Variants in CSMD2 observed in about 807,000 individuals in gnomAD.
CSMD2 encodes the protein CUB and Sushi multiple domains 2, also known as CUB and sushi domain-containing protein 2.
A neutral mutation model predicts 398.5 loss-of-function variants in CSMD2; 130 were observed. That is an observed-to-expected ratio of 0.33 (90% CI 0.28 to 0.38). The LOEUF (loss-of-function observed/expected upper bound fraction) is 0.38, where lower values mean the gene tolerates loss of function less well. CSMD2 is among the 10% of genes least tolerant of loss of function. CSMD2 has a pLI of 1.00. For missense variants in CSMD2, 3,829 were observed against 4,764.9 expected (o/e 0.80, Z 5.78); for synonymous variants, 1,828 against 1,908.5 (o/e 0.96, Z 1.10).
chr1:33,758,667 G>A (rs1649375174), intron 13 of CSMD2, among the ~76,000 whole-genome samples: 1 of 152,136 alleles, frequency 6.6e-6, no homozygotes, highest in Non-Finnish European at 1.5e-5. Context: ...ACAATCATTT[G>A]TTCTCTCCTT....
rs752315187 is a variant in CSMD2, at chr1:33,614,667, G to A, written c.6017-47C>T. The A allele has an allele frequency of 4.6e-6, 5 of 1,091,386 alleles. No individual in the cohort carries two copies. In the Admixed American group the frequency reaches 5.7e-5, roughly 12 times the overall value. 67.6% of individuals were successfully genotyped at this position (1,091,386 alleles called of 1,614,324 possible). A position where few individuals can be genotyped will look rare whatever the true frequency, so the allele number is the denominator to read the frequency against. On this transcript the variant is annotated intron_variant, in intron 39 of 70. Transcript: ENST00000373381. ...GAGGGTCAGGACAACATCAAGGGGTGTACAGGGCCCTGCCAATGTTTGGAA... is the reference window on the plus strand; with the variant it reads ...GAGGGTCAGGACAACATCAAGGGGTATACAGGGCCCTGCCAATGTTTGGAA...
At chr1:33,982,653 G>A (rs1176490928) in intron 3 of CSMD2, among the ~76,000 whole-genome samples, 1 of 152,220 alleles carries the variant, frequency 6.6e-6, no homozygotes, top group Non-Finnish European at 1.5e-5. Context: ...GAGACTCCTG[G>A]AATAGGTTAT....
intron 5 of CSMD2, chr1:33,864,356 T>C: frequency 6.2e-7 from 1 of 1,614,018 alleles, no homozygotes; most frequent in Non-Finnish European, 8.5e-7. Flanking sequence ...TCTCAAAGCA[T>C]GAAAAGGCCA....
chr1:34,013,222 CA>C (rs11322324), intron 3 of CSMD2, among the ~76,000 whole-genome samples: 32,111 of 152,128 alleles, frequency 0.21, 4,067 homozygotes, highest in East Asian at 0.57. Context: ...ATGGAGTTTT[CA>C]ATCCATCGTT....
chr1:33,897,316 G>C (rs1388261322), intron 5 of CSMD2, among the ~76,000 whole-genome samples: 1 of 152,158 alleles, frequency 6.6e-6, no homozygotes, highest in Non-Finnish European at 1.5e-5. Flanking sequence ...AACAGATCTG[G>C]ATCAGACATG....
rs1376209375 is a variant in CSMD2, at chr1:34,024,957, C to T, written c.517+7637G>A. On this transcript the variant is annotated intron_variant, in intron 3 of 70. Coordinates refer to ENST00000373381, the MANE Select transcript of CSMD2 (RefSeq NM_001281956.2). ...GGTCTAATTACAGGAAAAAACAAAA[C>T]CAGGAAAGGCCCATTTCTCCCATGT... 2.0e-5 allele frequency among the ~76,000 whole-genome samples: 3 copies of T among 152,164 alleles called. No individual in the cohort carries two copies. The East Asian group carries it at 5.8e-4, about 29-fold the overall frequency.
At chr1:33,988,225 G>A (rs1220117710) in intron 3 of CSMD2, among the ~76,000 whole-genome samples, 2 of 152,250 alleles carry the variant, frequency 1.3e-5, no homozygotes, top group Non-Finnish European at 2.9e-5. Flanking sequence ...ACTCCCTGCT[G>A]TCAGATGCAG....
chr1:33,825,807 G>A (rs1428690288), intron 6 of CSMD2, 33 bp from the exon 7 acceptor site: 2 of 1,563,032 alleles, frequency 1.3e-6, no homozygotes. Context: ...AACAATGTGA[G>A]TTGTTGCCTG....
At chr1:33,582,426 T>A (rs1270469896) in intron 47 of CSMD2, among the ~76,000 whole-genome samples, 4 of 152,284 alleles carry the variant, frequency 2.6e-5, no homozygotes, top group African/African-American at 9.6e-5. Flanking sequence ...TGAGAAAAGC[T>A]GCCCCCAGCA....
intron 11 of CSMD2, among the ~76,000 whole-genome samples, chr1:33,791,797 G>C (rs973872229): frequency 6.6e-6 from 1 of 152,120 alleles, no homozygotes; most frequent in Admixed American, 6.5e-5. Context: ...CTTTTTCCTG[G>C]TTTTCAAGTC....
At position 34,121,994 on chromosome 1, in the gene CSMD2, G is replaced by T. The variant is rs199689024; in HGVS notation, c.188-32801C>A. ...CAGGCAGCTGGAAGGAATTTTTCTG[G>T]TTTTTTTTTTTTTTTCTACCTCCTG... On this transcript the variant is annotated intron_variant, in intron 1 of 70. Coordinates refer to ENST00000373381, the MANE Select transcript of CSMD2 (RefSeq NM_001281956.2). 3.8e-3 allele frequency among the ~76,000 whole-genome samples: 546 copies of T among 142,714 alleles called. 5 individuals are homozygous for T. The highest frequency in any genetic ancestry group is 0.012 in the African/African-American group (476 of 38,682). The allele number at this position is 142,714 out of a possible 152,430, so 93.6% of individuals were successfully genotyped here.
chr1:33,904,707 C>G (rs1057343950), intron 5 of CSMD2, among the ~76,000 whole-genome samples: 3 of 151,480 alleles, frequency 2.0e-5, no homozygotes, highest in African/African-American at 4.9e-5. Flanking sequence ...CTCTGCCGCC[C>G]AGGCTGGAGT....
At chr1:33,655,837 G>A (rs1484390151) in intron 27 of CSMD2, among the ~76,000 whole-genome samples, 1 of 152,192 alleles carries the variant, frequency 6.6e-6, no homozygotes, top group East Asian at 1.9e-4. Flanking sequence ...TCCCAAAGCC[G>A]AGTGTAGAAG....
chr1:34,045,086 A>G (rs1028223676), intron 2 of CSMD2, among the ~76,000 whole-genome samples: 4 of 149,230 alleles, frequency 2.7e-5, no homozygotes, highest in Non-Finnish European at 5.9e-5. Context: ...CACCCCTACA[A>G]ACACAGGTTT....
intron 13 of CSMD2, among the ~76,000 whole-genome samples, chr1:33,747,674 T>A (rs1044731249): frequency 6.6e-6 from 1 of 152,196 alleles, no homozygotes. Context: ...AATCTCCCAG[T>A]AATATACAAC....
chr1:33,993,773 C>T (rs1274365858), intron 3 of CSMD2, among the ~76,000 whole-genome samples: 1 of 152,138 alleles, frequency 6.6e-6, no homozygotes, highest in Non-Finnish European at 1.5e-5. Context: ...CTGCCCCACC[C>T]AGTTGCTTTC....
At position 33,537,306 on chromosome 1, in the gene CSMD2, C is replaced by T; in HGVS notation, c.9805+130G>A. The T allele has an allele frequency of 8.6e-7, 1 of 1,165,620 alleles. No individual in the cohort carries two copies. Among genetic ancestry groups the T allele is most frequent in the South Asian group, 1.4e-5 (1 of 69,678 alleles). 72.2% of individuals were successfully genotyped at this position (1,165,620 alleles called of 1,614,324 possible). ...TATTTTACATCCTGCTGCAGAAGCT[C>T]AGAGGATGAGATGTTCCCTTTTGCA... On this transcript the variant is annotated intron_variant, in intron 61 of 70. Coordinates refer to ENST00000373381, the MANE Select transcript of CSMD2 (RefSeq NM_001281956.2). The surrounding 1 kb of genome is among the most constrained non-coding windows in gnomAD (Gnocchi z 4.6).
In CSMD2 at chr1:34,165,017, C is replaced by T. The variant is rs1641749584; in HGVS notation, c.81G>A (p.Ala27=). 3.3e-6 allele frequency: 4 copies of T among 1,209,526 alleles called. No individual in the cohort carries two copies. In the East Asian group the frequency reaches 1.4e-4, roughly 41 times the overall value. The allele number at this position is 1,209,526 out of a possible 1,614,324, so 74.9% of individuals were successfully genotyped here. A position where few individuals can be genotyped will look rare whatever the true frequency, so the allele number is the denominator to read the frequency against. ...GRARGETGIS[A]LVPGAGSRWG... ...AGCGGCTCCCGGCGCCCGGCACAAG[C>T]GCCGAAATCCCGGTTTCGCCGCGAG... Residue 27 remains alanine, a synonymous_variant, in exon 1 of 71, where the codon GCG becomes GCA. Transcript: ENST00000373381.
chr1:33,633,641 T>C lies in CSMD2; in HGVS notation c.5087-106A>G. 1.2e-6 allele frequency: 1 copy of C among 805,694 alleles called. No individual in the cohort carries two copies. Among genetic ancestry groups the C allele is most frequent in the Non-Finnish European group, 2.1e-6 (1 of 483,276 alleles). The allele number at this position is 805,694 out of a possible 1,614,324, so 49.9% of individuals were successfully genotyped here. The stretch of plus-strand genomic sequence containing the variant: ...CAGGAGGAGGGCAGCCCTGGGGAAG[T>C]TGTTGGTTCCTGGGCTGTGGCTTGC... On this transcript the variant is annotated intron_variant, in intron 31 of 70. Coordinates refer to ENST00000373381, the MANE Select transcript of CSMD2 (RefSeq NM_001281956.2). This position sits in a 1 kb window ranked among gnomAD's most constrained non-coding sequence, Gnocchi z 5.0.
Sources: gnomAD v4.1 joint callset for allele counts (sites outside exome capture counted in the v4.1 genomes callset) on GRCh38, gnomAD v4.1.1 for gene constraint, Gnocchi (gnomAD v3.1) non-coding constraint, MANE v1.5 for transcripts, NCBI Gene and HGNC (gene_info 2026-07-23, HGNC 2026-07-21) for gene names.